CSMD1: variants seen among roughly 807,000 people sequenced by gnomAD.
CSMD1 encodes the protein CUB and Sushi multiple domains 1, also known as CUB and sushi domain-containing protein 1.
CSMD1 carries 213 observed loss-of-function variants against 417.5 expected under a neutral mutation model. The ratio of observed to expected loss-of-function variants is 0.51; its 90% confidence interval spans 0.46 to 0.57. CSMD1 has a LOEUF of 0.57. Ranked by LOEUF, CSMD1 falls within the 20% of genes least tolerant of loss-of-function variation. The pLI is 0.00. For synonymous variants in CSMD1, 2,862 were observed against 1,736.8 expected (o/e 1.65, Z -16.11); for missense variants, 6,923 against 4,529.7 (o/e 1.53, Z -15.17).
chr8:4,340,730 C>A (rs1022631424), intron 3 of CSMD1, among the ~76,000 whole-genome samples: 2 of 152,034 alleles, frequency 1.3e-5, no homozygotes, highest in Admixed American at 6.6e-5. Flanking sequence ...GTGGAACAAA[C>A]TGAAAATTTA....
intron 49 of CSMD1, among the ~76,000 whole-genome samples, chr8:3,054,136 G>A (rs891298772): frequency 2.2e-4 from 34 of 152,206 alleles, no homozygotes; most frequent in African/African-American, 3.1e-4. Flanking sequence ...GGTTATCTCC[G>A]GTATTGTTGG....
intron 3 of CSMD1, among the ~76,000 whole-genome samples, chr8:4,299,632 C>T (rs1279651578): frequency 6.6e-6 from 1 of 152,082 alleles, no homozygotes; most frequent in Non-Finnish European, 1.5e-5. Flanking sequence ...ATATCATACA[C>T]TATCTTTCTT....
At chr8:4,904,492 G>A (rs914290719) in intron 1 of CSMD1, among the ~76,000 whole-genome samples, 25 of 152,034 alleles carry the variant, frequency 1.6e-4, no homozygotes, top group African/African-American at 5.1e-4. Context: ...GGGCTCAATC[G>A]TCCTGACTCA....
rs549414630 is a variant in CSMD1 at position 2,956,830 on chromosome 8, A to C, written c.9814+866T>G. The stretch of plus-strand genomic sequence containing the variant: ...TATTTCACTAATTAGTAACCACAAC[A>C]AATACCTGATATTATCAAGCTCCAT... On this transcript the variant is annotated intron_variant, in intron 63 of 69. Coordinates refer to ENST00000635120, the MANE Select transcript of CSMD1 (RefSeq NM_033225.6). Among the ~76,000 whole-genome samples the C allele has an allele frequency of 7.2e-5, 11 of 152,304 alleles. No homozygotes were observed. The South Asian group carries it at 2.1e-3, about 29-fold the overall frequency.
intron 3 of CSMD1, among the ~76,000 whole-genome samples, chr8:4,226,031 T>C (rs545775031): frequency 5.3e-4 from 81 of 151,688 alleles, no homozygotes; most frequent in African/African-American, 1.9e-3. Flanking sequence ...TAGTTTTACC[T>C]ACTCAAGTAA....
At chr8:3,087,623 C>T (rs1814638556) in intron 48 of CSMD1, among the ~76,000 whole-genome samples, 1 of 152,210 alleles carries the variant, frequency 6.6e-6, no homozygotes, top group African/African-American at 2.4e-5. Flanking sequence ...AACACACTAA[C>T]ACTAATGATA....
chr8:3,226,227 G>A (rs1361977417), intron 27 of CSMD1, among the ~76,000 whole-genome samples: 1 of 152,102 alleles, frequency 6.6e-6, no homozygotes, highest in Non-Finnish European at 1.5e-5. Flanking sequence ...TTTGGACTTG[G>A]GGAAAAGCAA....
intron 26 of CSMD1, among the ~76,000 whole-genome samples, chr8:3,238,655 T>C (rs548884942): frequency 1.1e-3 from 171 of 152,204 alleles, no homozygotes; most frequent in African/African-American, 4.0e-3. Flanking sequence ...GATGATGGCC[T>C]GGATACAGTT....
chr8:4,428,482 T>A (rs1797689663), intron 2 of CSMD1, among the ~76,000 whole-genome samples: 1 of 152,190 alleles, frequency 6.6e-6, no homozygotes, highest in Admixed American at 6.5e-5. Context: ...AAAGGCTGCA[T>A]GCCTGGCATA....
chr8:3,756,533 G>T (rs2449088), intron 5 of CSMD1, among the ~76,000 whole-genome samples: 111,320 of 151,964 alleles, frequency 0.73, 40,871 homozygotes, highest in South Asian at 0.83. Context: ...CATCAGATAC[G>T]ATCCTAATGT....
chr8:4,049,568 C>T (rs775315831), intron 3 of CSMD1, among the ~76,000 whole-genome samples: 1 of 151,972 alleles, frequency 6.6e-6, no homozygotes, highest in Non-Finnish European at 1.5e-5. Context: ...GATTTTTATA[C>T]CCAACTACTA....
chr8:4,055,249 C>T (rs751463954), intron 3 of CSMD1, among the ~76,000 whole-genome samples: 1 of 152,148 alleles, frequency 6.6e-6, no homozygotes, highest in African/African-American at 2.4e-5. Context: ...TTACTTGCCT[C>T]AAATGAATTC....
chr8:3,752,715 T>A (rs1206017661), intron 6 of CSMD1, among the ~76,000 whole-genome samples: 1 of 148,800 alleles, frequency 6.7e-6, no homozygotes, highest in Non-Finnish European at 1.5e-5. Context: ...CATATTTTGT[T>A]GAAACGAATT....
intron 21 of CSMD1, among the ~76,000 whole-genome samples, chr8:3,354,932 T>C (rs909275870): frequency 2.0e-5 from 3 of 150,276 alleles, no homozygotes; most frequent in African/African-American, 7.4e-5. Context: ...TCTATAGATA[T>C]AGATATATAT....
At chr8:4,468,843 T>G (rs1181642699) in intron 2 of CSMD1, among the ~76,000 whole-genome samples, 1 of 152,174 alleles carries the variant, frequency 6.6e-6, no homozygotes, top group East Asian at 1.9e-4. Flanking sequence ...AGCAATTGAA[T>G]TATCAATTAA....
chr8:4,369,871 C>A (rs1434254559), intron 3 of CSMD1, among the ~76,000 whole-genome samples: 1 of 152,090 alleles, frequency 6.6e-6, no homozygotes, highest in Admixed American at 6.5e-5. Context: ...AGAGTTGGGT[C>A]TTGCTTCTTT....
At chr8:4,193,429 C>A (rs1416898570) in intron 3 of CSMD1, among the ~76,000 whole-genome samples, 2 of 151,932 alleles carry the variant, frequency 1.3e-5, no homozygotes, top group East Asian at 1.9e-4. Flanking sequence ...TCTCTGTTCA[C>A]ATCCAGGTAC....
chr8:4,297,072 AG>A (rs1285157819), intron 3 of CSMD1, among the ~76,000 whole-genome samples: 10 of 98,954 alleles, frequency 1.0e-4, no homozygotes, highest in Non-Finnish European at 1.8e-4. Context: ...TGGGTTAGAT[AG>A]GTTGAAGAGC....
intron 1 of CSMD1, among the ~76,000 whole-genome samples, chr8:4,768,366 G>A (rs959470605): frequency 6.6e-6 from 1 of 152,104 alleles, no homozygotes; most frequent in African/African-American, 2.4e-5. Flanking sequence ...GTCCATCAAA[G>A]CTTCCTGTTC....
Sources: gnomAD v4.1 joint callset for allele counts (sites outside exome capture counted in the v4.1 genomes callset) on GRCh38, gnomAD v4.1.1 for gene constraint, MANE v1.5 for transcripts, NCBI Gene and HGNC (gene_info 2026-07-23, HGNC 2026-07-21) for gene names.